Variants in TENM4 observed in about 807,000 individuals in gnomAD.
TENM4 encodes the protein teneurin-4.
Under a neutral mutation model 243.3 loss-of-function variants are expected in TENM4, and 82 were observed. The observed-to-expected ratio is 0.34, with a 90% CI of 0.28 to 0.40. The LOEUF is 0.40. Among genes scored for constraint, TENM4 ranks in the 10% least tolerant of loss-of-function variants. The pLI, the probability that TENM4 is intolerant of heterozygous loss-of-function variation, is 1.00. For synonymous variants in TENM4, 1,412 were observed against 1,456.3 expected, an observed-to-expected ratio of 0.97 and a Z score of 0.69; for missense variants, 3,138 against 3,673.3, an observed-to-expected ratio of 0.85 and a Z score of 3.77.
chr11:78,957,318 C>G (rs922053272), intron 6 of TENM4, among the ~76,000 whole-genome samples: 1 of 152,146 alleles, frequency 6.6e-6, no homozygotes, highest in Non-Finnish European at 1.5e-5. Context: ...ACAACAACAA[C>G]AACAACAAAA....
chr11:78,807,547 T>C (rs1591038704), intron 14 of TENM4, among the ~76,000 whole-genome samples: 1 of 152,196 alleles, frequency 6.6e-6, no homozygotes, highest in East Asian at 1.9e-4. Context: ...GTGCAACAGG[T>C]GGCAGAGAGA....
At chr11:79,044,652 A>T (rs1307019662) in intron 6 of TENM4, among the ~76,000 whole-genome samples, 1 of 152,200 alleles carries the variant, frequency 6.6e-6, no homozygotes, top group Non-Finnish European at 1.5e-5. Flanking sequence ...TACATTCCTT[A>T]AGAGCTGTGT....
intron 4 of TENM4, among the ~76,000 whole-genome samples, chr11:79,108,891 C>G (rs138476724): frequency 3.0e-3 from 462 of 152,174 alleles, no homozygotes; most frequent in African/African-American, 0.01. Context: ...TCTCTTAGCC[C>G]CTTTCCTCCT....
At position 78,948,621 on chromosome 11, in the gene TENM4, T is replaced by C. The variant is rs567778116; in HGVS notation, c.494-45098A>G. Reference sequence around the variant, plus strand: ...CTCCTGACCTCGTGATCTGCCTGCCTTGGCCTCCCAAAGTGCTGGGATTAC... The same window carrying C: ...CTCCTGACCTCGTGATCTGCCTGCCCTGGCCTCCCAAAGTGCTGGGATTAC... On this transcript the variant is annotated intron_variant, in intron 6 of 33. Transcript: ENST00000278550. Among the ~76,000 whole-genome samples the C allele has an allele frequency of 3.3e-5, 5 of 152,352 alleles. No homozygotes were observed. In the East Asian group the frequency reaches 9.6e-4, roughly 29 times the overall value.
chr11:79,310,876 C>A (rs192862579), intron 1 of TENM4, among the ~76,000 whole-genome samples: 93 of 152,326 alleles, frequency 6.1e-4, no homozygotes, highest in African/African-American at 2.2e-3. Flanking sequence ...CTGAAGCCCC[C>A]ACTCACTACA....
intron 12 of TENM4, among the ~76,000 whole-genome samples, chr11:78,852,900 C>T (rs1319085730): frequency 6.7e-6 from 1 of 149,988 alleles, no homozygotes; most frequent in African/African-American, 2.5e-5. Flanking sequence ...CAGGCATGCA[C>T]CATCGCACCT....
intron 1 of TENM4, among the ~76,000 whole-genome samples, chr11:79,311,268 C>G (rs1191135911): frequency 6.6e-6 from 1 of 152,240 alleles, no homozygotes; most frequent in Admixed American, 6.5e-5. Context: ...AATGAAATCT[C>G]AAACCCACCT....
chr11:79,221,710 G>C (rs1465701006), intron 2 of TENM4, among the ~76,000 whole-genome samples: 1 of 152,122 alleles, frequency 6.6e-6, no homozygotes, highest in Non-Finnish European at 1.5e-5. Flanking sequence ...TTCTCGGTGA[G>C]CAGCTGCATA....
At chr11:78,822,066 T>C (rs17137210) in intron 12 of TENM4, among the ~76,000 whole-genome samples, 6,874 of 152,278 alleles carry the variant, frequency 0.045, 323 homozygotes, top group African/African-American at 0.12. Context: ...ACCTAGGTGA[T>C]CTACAAAGTC....
chr11:79,350,650 G>A (rs1857399670), intron 1 of TENM4, among the ~76,000 whole-genome samples: 1 of 150,158 alleles, frequency 6.7e-6, no homozygotes, highest in African/African-American at 2.5e-5. Flanking sequence ...GTGTCACCCA[G>A]GCTGGTCTCG....
chr11:78,836,174 A>G (rs1019465104), intron 12 of TENM4, among the ~76,000 whole-genome samples: 1 of 151,568 alleles, frequency 6.6e-6, no homozygotes, highest in Non-Finnish European at 1.5e-5. Context: ...CCTCACCAAC[A>G]TGGTGAAATC....
At chr11:79,358,377 C>T (rs953292521) in intron 1 of TENM4, among the ~76,000 whole-genome samples, 1 of 152,194 alleles carries the variant, frequency 6.6e-6, no homozygotes, top group Non-Finnish European at 1.5e-5. Context: ...GAGGTGGTAT[C>T]CCCAGAGAGC....
At chr11:78,673,958 T>C (rs998026517) in intron 30 of TENM4, among the ~76,000 whole-genome samples, 27 of 152,142 alleles carry the variant, frequency 1.8e-4, no homozygotes, top group Admixed American at 1.8e-3. Context: ...ATCAGAGGCA[T>C]TGGAGGCTGA....
At chr11:78,824,680 T>C (rs1188172667) in intron 12 of TENM4, among the ~76,000 whole-genome samples, 1 of 64,484 alleles carries the variant, frequency 1.6e-5, no homozygotes, top group African/African-American at 6.8e-5. Context: ...TTTTTGTATT[T>C]TTAGTAGAGA....
intron 3 of TENM4, among the ~76,000 whole-genome samples, chr11:79,205,131 G>A (rs1863823299): frequency 1.3e-5 from 2 of 152,108 alleles, no homozygotes; most frequent in Admixed American, 1.3e-4. Context: ...AAAGTTACTT[G>A]CAATATCTTT....
At chr11:78,893,029 C>T (rs1383905902) in intron 7 of TENM4, among the ~76,000 whole-genome samples, 1 of 152,218 alleles carries the variant, frequency 6.6e-6, no homozygotes, top group African/African-American at 2.4e-5. Context: ...AAGCATATGG[C>T]AACACTATTT....
intron 23 of TENM4, 59 bp from the exon 24 acceptor site, chr11:78,722,976 GGT>G: frequency 6.3e-7 from 1 of 1,592,296 alleles, no homozygotes; most frequent in Non-Finnish European, 8.6e-7. Flanking sequence ...CTTTTCCTGT[GGT>G]TGACCACAGA....
intron 3 of TENM4, among the ~76,000 whole-genome samples, chr11:79,202,047 T>C (rs562720159): frequency 6.6e-6 from 1 of 151,886 alleles, no homozygotes; most frequent in African/African-American, 2.4e-5. Flanking sequence ...CCCAAGTTTC[T>C]GGTCCACTGA....
At chr11:79,132,894 A>C (rs1048792522) in intron 4 of TENM4, among the ~76,000 whole-genome samples, 17 of 152,156 alleles carry the variant, frequency 1.1e-4, no homozygotes, top group African/African-American at 3.9e-4. Context: ...ATCAAAAAAC[A>C]CTGAAAGAGC....
Sources: allele counts gnomAD v4.1 joint callset (sites outside exome capture counted in the v4.1 genomes callset), GRCh38; gene constraint gnomAD v4.1.1; transcripts MANE v1.5; gene names NCBI Gene and HGNC (gene_info 2026-07-23, HGNC 2026-07-21).